Variants in PTP4A3 observed in about 807,000 individuals in gnomAD.
The protein encoded by PTP4A3 is protein tyrosine phosphatase 4A3.
PTP4A3 carries 9 observed loss-of-function variants against 15.2 expected under a neutral mutation model. The observed-to-expected ratio is 0.59, with a 90% CI of 0.36 to 1.03. The LOEUF (loss-of-function observed/expected upper bound fraction) is 1.03. Ranked by LOEUF, PTP4A3 falls within the 50% of genes least tolerant of loss-of-function variation. PTP4A3 has a pLI of 0.02. For missense variants in PTP4A3, 234 were observed against 252.1 expected (o/e 0.93, Z 0.49); for synonymous variants, 95 against 102.0 (o/e 0.93, Z 0.41).
chr8:141,422,191 C>T lies in PTP4A3; in HGVS notation c.-50C>T, dbSNP rs368266833. 2 of 1,591,084 alleles carry T rather than the reference C, an allele frequency of 1.3e-6. No homozygotes were observed. The highest frequency in any genetic ancestry group is 2.7e-5 in the African/African-American group (2 of 74,438). On this transcript the variant is annotated 5_prime_UTR_variant, in exon 2 of 6. Coordinates refer to ENST00000521578, the MANE Select transcript of PTP4A3 (RefSeq NM_032611.3). The stretch of plus-strand genomic sequence containing the variant: ...GTGGGGACTTCTCAGGTCGTGTCCC[C>T]AGCCTTCTCTGCAGTCCCTTCTGCC...
rs891049937 is a variant in PTP4A3 at position 141,425,272 on chromosome 8, G to T, written c.198+132G>T. The T allele has an allele frequency of 1.1e-6, 1 of 896,838 alleles. No homozygotes were observed. 55.6% of individuals were successfully genotyped at this position (896,838 alleles called of 1,614,324 possible). ...CTGGGCATGTCTGTGCCTGGGCCAC[G>T]TGTGTGTCTGGGTACATCAAGGGAA... On this transcript the variant is annotated intron_variant, in intron 3 of 5. Transcript: ENST00000521578. The surrounding 1 kb of genome is among the most constrained non-coding windows in gnomAD (Gnocchi z 4.2).
chr8:141,413,149 G>A (rs1832913834), intron 1 of PTP4A3, among the ~76,000 whole-genome samples: 1 of 152,222 alleles, frequency 6.6e-6, no homozygotes, highest in Non-Finnish European at 1.5e-5. Flanking sequence ...TAGGGGCTGT[G>A]CCTGGTGTGC....
At chr8:141,393,408 G>T (rs1049377223) in intron 1 of PTP4A3, among the ~76,000 whole-genome samples, 5 of 152,350 alleles carry the variant, frequency 3.3e-5, no homozygotes, top group Middle Eastern at 3.4e-3. Context: ...GCTGCCCTGT[G>T]TAGGAATTCC....
At chr8:141,396,197 C>T (rs900822752) in intron 1 of PTP4A3, among the ~76,000 whole-genome samples, 5 of 152,212 alleles carry the variant, frequency 3.3e-5, no homozygotes, top group Non-Finnish European at 7.3e-5. Flanking sequence ...CCGTGATGGA[C>T]TCATACGTAA....
chr8:141,420,145 G>T lies in PTP4A3; in HGVS notation c.-853-1243G>T, dbSNP rs536685078. Among the ~76,000 whole-genome samples, 3 of 152,354 alleles carry T rather than the reference G, an allele frequency of 2.0e-5. No individual in the cohort carries two copies. The East Asian group carries it at 5.8e-4, about 29-fold the overall frequency. ...GGCTGGGGCAGGGGCACAGGTGAGA[G>T]GGGGTGGGTTGGGGAATGGAGGGCT... On this transcript the variant is annotated intron_variant, in intron 1 of 5. Coordinates refer to ENST00000521578, the MANE Select transcript of PTP4A3 (RefSeq NM_032611.3).
intron 1 of PTP4A3, among the ~76,000 whole-genome samples, chr8:141,401,698 G>T (rs1832593399): frequency 6.6e-6 from 1 of 152,238 alleles, no homozygotes; most frequent in Non-Finnish European, 1.5e-5. Context: ...GGGCCTGTGA[G>T]GACAGCCATC....
rs377693810 is a variant in PTP4A3 at position 141,425,134 on chromosome 8, C to T, written c.192C>T (p.Thr64=). Residue 64 remains threonine (T), a synonymous_variant, in exon 3 of 6, where the codon ACC becomes ACT. Transcript: ENST00000521578. The surrounding 1 kb of genome is among the most constrained non-coding windows in gnomAD (Gnocchi z 4.2). Reference sequence around the variant, plus strand: ...CGCCGCTGGAGAAGGATGGCATCACCGTTGTGGTGAGGCGCGCGCCACGGG... The same window carrying T: ...CGCCGCTGGAGAAGGATGGCATCACTGTTGTGGTGAGGCGCGCGCCACGGG... ...DKTPLEKDGI[T]VVDWPFDDGA... 2.8e-5 allele frequency: 39 copies of T among 1,372,776 alleles called. No homozygotes were observed. In the Middle Eastern group the frequency reaches 8.2e-4, roughly 29 times the overall value. The allele number at this position is 1,372,776 out of a possible 1,614,324, so 85.0% of individuals were successfully genotyped here. A position where few individuals can be genotyped will look rare whatever the true frequency, so the allele number is the denominator to read the frequency against.
intron 1 of PTP4A3, among the ~76,000 whole-genome samples, chr8:141,397,299 A>C (rs2129793027): frequency 1.3e-5 from 2 of 152,252 alleles, no homozygotes; most frequent in South Asian, 4.1e-4. Context: ...CTGTCACTTC[A>C]TGAGGTCACA....
rs565405501 is a variant in PTP4A3 at position 141,410,972 on chromosome 8, T to G, written c.-853-10416T>G. 3.1e-3 allele frequency among the ~76,000 whole-genome samples: 479 copies of G among 152,190 alleles called. 1 individual carries two copies. The highest frequency in any genetic ancestry group is 5.6e-3 in the Non-Finnish European group (379 of 67,994). ...CTCTGAGCCTCAGGTTCCCCATTTG[T>G]CAGATGGGGAAGGCCAAGACCCAGG... On this transcript the variant is annotated intron_variant, in intron 1 of 5. Transcript: ENST00000521578.
Position 141,422,113 on chromosome 8 carries a change from C to T in PTP4A3, c.-128C>T, listed in dbSNP as rs111588495. 1,865 of 881,368 alleles carry T rather than the reference C, an allele frequency of 2.1e-3. 26 individuals are homozygous for T. In the African/African-American group the frequency reaches 0.022, roughly 11 times the overall value. The allele number at this position is 881,368 out of a possible 1,614,324, so 54.6% of individuals were successfully genotyped here. A position where few individuals can be genotyped will look rare whatever the true frequency, so the allele number is the denominator to read the frequency against. The stretch of plus-strand genomic sequence containing the variant: ...GGTATGGGGGTGGGTTTTTAAATCT[C>T]GTTTCTCTTGGACAAGCACAGGGAT... On this transcript the variant is annotated 5_prime_UTR_variant, in exon 2 of 6. Transcript: ENST00000521578.
chr8:141,427,161 C>G, intron 4 of PTP4A3, 92 bp downstream of exon 4: 4 of 1,520,596 alleles, frequency 2.6e-6, no homozygotes, highest in Non-Finnish European at 3.5e-6. Flanking sequence ...GTCTTGAACA[C>G]ACGTCCACGC....
intron 5 of PTP4A3, among the ~76,000 whole-genome samples, chr8:141,429,965 C>T (rs1415783295): frequency 4.2e-5 from 4 of 96,046 alleles, no homozygotes; most frequent in African/African-American, 1.2e-4. Context: ...GGTGAGCGCA[C>T]AGCCCACGTC....
chr8:141,421,353 C>G (rs1586559652), intron 1 of PTP4A3, 35 bp from the exon 2 acceptor site: 2 of 152,316 alleles, frequency 1.3e-5, no homozygotes, highest in East Asian at 3.9e-4. Context: ...CCCCTGTGAT[C>G]CCTTTCTATT....
intron 1 of PTP4A3, among the ~76,000 whole-genome samples, chr8:141,420,395 C>G (rs1471228360): frequency 1.3e-5 from 2 of 152,186 alleles, no homozygotes; most frequent in African/African-American, 4.8e-5. Context: ...GCACCTTGCT[C>G]AAGGCCTCCC....
chr8:141,393,460 C>G (rs1434819250), intron 1 of PTP4A3, among the ~76,000 whole-genome samples: 1 of 152,242 alleles, frequency 6.6e-6, no homozygotes, highest in Admixed American at 6.5e-5. Flanking sequence ...CTGGTCACCC[C>G]TCAACACCCC....
intron 3 of PTP4A3, 105 bp from the exon 4 acceptor site, chr8:141,426,834 C>T (rs1833596464): frequency 1.3e-6 from 2 of 1,493,356 alleles, no homozygotes; most frequent in African/African-American, 2.8e-5. Flanking sequence ...CTAGTGGGCT[C>T]CTGGCACCCT....
In PTP4A3 at chr8:141,432,163, G is replaced by A. The variant is rs1224821591; in HGVS notation, c.*1119G>A. 1.3e-5 allele frequency: 2 copies of A among 152,328 alleles called. No individual in the cohort carries two copies. The highest frequency in any genetic ancestry group is 4.8e-5 in the African/African-American group (2 of 41,438). The allele number at this position is 152,328 out of a possible 1,614,324, so 9.4% of individuals were successfully genotyped here. ...AAGGTGGGCCTAGGGCTGGCTCCAG[G>A]GTGTGGAGAGCCTGGGAGTGGTCTC... On this transcript the variant is annotated 3_prime_UTR_variant, in exon 6 of 6. Coordinates refer to ENST00000521578, the MANE Select transcript of PTP4A3 (RefSeq NM_032611.3).
intron 1 of PTP4A3, among the ~76,000 whole-genome samples, chr8:141,419,571 G>T (rs1368063839): frequency 5.3e-5 from 7 of 132,150 alleles, no homozygotes; most frequent in South Asian, 4.9e-4. Context: ...CCCACCACCG[G>T]TTTTTTTTTT....
chr8:141,415,299 G>A lies in PTP4A3; in HGVS notation c.-853-6089G>A, dbSNP rs566794186. Among the ~76,000 whole-genome samples the A allele has an allele frequency of 3.9e-5, 6 of 152,056 alleles. No individual in the cohort carries two copies. In the South Asian group the frequency reaches 1.2e-3, roughly 32 times the overall value. ...GGGAGACAGGCCGGAGCCCTGGACA[G>A]CCCCCAGTCTTTCCCCACCCCAACT... On this transcript the variant is annotated intron_variant, in intron 1 of 5. Transcript: ENST00000521578.
Sources: gnomAD v4.1 joint callset for allele counts (sites outside exome capture counted in the v4.1 genomes callset) on GRCh38, gnomAD v4.1.1 for gene constraint, Gnocchi (gnomAD v3.1) non-coding constraint, MANE v1.5 for transcripts, NCBI Gene and HGNC (gene_info 2026-07-23, HGNC 2026-07-21) for gene names.